Variants in KIAA0232 observed in about 807,000 individuals in gnomAD.
The protein encoded by KIAA0232 is KIAA0232.
Under a neutral mutation model 122.0 loss-of-function variants are expected in KIAA0232, and 27 were observed. The ratio of observed to expected loss-of-function variants is 0.22; its 90% CI spans 0.16 to 0.31. KIAA0232 has a LOEUF of 0.31. Among genes scored for constraint, KIAA0232 ranks in the 10% least tolerant of loss-of-function variants. The probability of loss-of-function intolerance (pLI) is 1.00; values close to 1 mark genes in which losing one functional copy is unlikely to be tolerated. For synonymous variants in KIAA0232, 613 were observed against 587.6 expected (o/e 1.04, Z -0.63); for missense variants, 1,551 against 1,634.2 (o/e 0.95, Z 0.88).
At position 6,861,124 on chromosome 4, in the gene KIAA0232, C is replaced by T; in HGVS notation, c.742C>T (p.Gln248Ter). 6.2e-7 allele frequency: 1 copy of T among 1,614,108 alleles called. No homozygotes were observed. Among genetic ancestry groups the T allele is most frequent in the Non-Finnish European group, 8.5e-7 (1 of 1,180,016 alleles). ...ACCCACCACTGTGCATGAGAAAACC[C>T]AGAGCAAAAGCAAAAACGAGAAGGA... ...EVPTTVHEKT[Q>*]SKSKNEKENK... is the part of the protein sequence containing the mutation. Residue 248 changes from glutamine to a stop codon, truncating the protein, a stop_gained, in exon 7 of 10, where the codon CAG becomes TAG. Coordinates refer to ENST00000307659, the MANE Select transcript of KIAA0232 (RefSeq NM_014743.3). LOFTEE classifies it high-confidence loss of function.
intron 4 of KIAA0232, among the ~76,000 whole-genome samples, chr4:6,854,328 G>C (rs1365155906): frequency 6.6e-6 from 1 of 152,116 alleles, no homozygotes; most frequent in Non-Finnish European, 1.5e-5. Context: ...GCCCTTTGCT[G>C]CCCAGTGAAT....
At chr4:6,825,647 A>G (rs967704932) in intron 3 of KIAA0232, among the ~76,000 whole-genome samples, 1 of 152,142 alleles carries the variant, frequency 6.6e-6, no homozygotes, top group African/African-American at 2.4e-5. Flanking sequence ...TGTTAACCTC[A>G]GTCTCATTCT....
intron 8 of KIAA0232, among the ~76,000 whole-genome samples, chr4:6,871,925 G>A (rs928211431): frequency 6.6e-6 from 1 of 152,192 alleles, no homozygotes; most frequent in African/African-American, 2.4e-5. Context: ...CCATGGATGA[G>A]GTGTGTATAA....
intron 3 of KIAA0232, among the ~76,000 whole-genome samples, chr4:6,826,386 A>T (rs1718686285): frequency 6.6e-6 from 1 of 152,222 alleles, no homozygotes; most frequent in African/African-American, 2.4e-5. Context: ...CTTTACAGGC[A>T]AGTAAGACGT....
chr4:6,811,233 T>C (rs1717861629), intron 2 of KIAA0232, among the ~76,000 whole-genome samples: 1 of 152,036 alleles, frequency 6.6e-6, no homozygotes, highest in African/African-American at 2.4e-5. Context: ...AATAAATGGA[T>C]AAAGAAAATG....
intron 3 of KIAA0232, among the ~76,000 whole-genome samples, chr4:6,824,905 C>G (rs908264199): frequency 6.6e-6 from 1 of 152,198 alleles, no homozygotes; most frequent in Non-Finnish European, 1.5e-5. Context: ...GTTAGACTTT[C>G]TCACTGTTGG....
chr4:6,785,180 G>C (rs886721154), intron 1 of KIAA0232, among the ~76,000 whole-genome samples: 3 of 152,018 alleles, frequency 2.0e-5, no homozygotes, highest in Non-Finnish European at 2.9e-5. Context: ...CTCGTGATCC[G>C]CCTGCCTCAG....
At chr4:6,810,290 G>A (rs778276093) in intron 2 of KIAA0232, among the ~76,000 whole-genome samples, 55 of 152,130 alleles carry the variant, frequency 3.6e-4, no homozygotes, top group Non-Finnish European at 1.9e-4. Flanking sequence ...ATAGCCAACT[G>A]ATCTTTGACA....
intron 1 of KIAA0232, among the ~76,000 whole-genome samples, chr4:6,800,007 A>G (rs73213647): frequency 0.2 from 25,860 of 129,270 alleles, 2,552 homozygotes; most frequent in Admixed American, 0.33. Flanking sequence ...TTTGTTTTGC[A>G]TATACTCTGT....
rs2108780594 is a variant in KIAA0232 at position 6,855,995 on chromosome 4, A to G, written c.370-1169A>G. The G allele has an allele frequency of 3.4e-6, 1 of 296,888 alleles. No homozygotes were observed. Among genetic ancestry groups the G allele is most frequent in the Middle Eastern group, 1.6e-3 (1 of 636 alleles). The allele number at this position is 296,888 out of a possible 1,614,324, so 18.4% of individuals were successfully genotyped here. A position where few individuals can be genotyped will look rare whatever the true frequency, so the allele number is the denominator to read the frequency against. ...TAAGAGTGTTTTTAAAGGAAAGGGCAACTCTTGTCTGGCCTATTTTTCTAT... is the reference window on the plus strand; with the variant it reads ...TAAGAGTGTTTTTAAAGGAAAGGGCGACTCTTGTCTGGCCTATTTTTCTAT... On this transcript the variant is annotated intron_variant, in intron 4 of 9. Transcript: ENST00000307659. This position sits in a 1 kb window ranked among gnomAD's most constrained non-coding sequence, Gnocchi z 4.3.
intron 4 of KIAA0232, among the ~76,000 whole-genome samples, chr4:6,845,375 A>C (rs1358826737): frequency 6.6e-6 from 1 of 152,086 alleles, no homozygotes; most frequent in East Asian, 1.9e-4. Flanking sequence ...ATTTTAAAAA[A>C]TACAGGGACA....
Position 6,861,055 on chromosome 4 carries a change from T to C in KIAA0232, c.673T>C (p.Cys225Arg). 14 of 1,614,144 alleles carry C rather than the reference T, an allele frequency of 8.7e-6. No homozygotes were observed. Among genetic ancestry groups the C allele is most frequent in the Non-Finnish European group, 1.2e-5 (14 of 1,180,030 alleles). Residue 225 changes from cysteine (C) to arginine (R), a missense_variant, in exon 7 of 10, where the codon TGC (cysteine) becomes CGC (arginine). Physicochemically the swap from Cys to Arg is radical, Grantham distance 180 (BLOSUM62 -3). Around this residue, in one of 5 missense-constraint regions of KIAA0232, gnomAD observed 377 missense variants for 381.7 expected, o/e 0.99. Coordinates refer to ENST00000307659, the MANE Select transcript of KIAA0232 (RefSeq NM_014743.3). The part of the protein sequence containing the change: ...ASTDTSSPKD[C>R]NSESEVTKER... The stretch of plus-strand genomic sequence containing the variant: ...CACAGATACTTCCTCTCCTAAGGAC[T>C]GCAACAGTGAAAGTGAAGTCACCAA...
Position 6,863,382 on chromosome 4 carries a change from TCA to T in KIAA0232, c.3001_3002del (p.Gln1001AlafsTer10), listed in dbSNP as rs1720990829. ...KPFVSFEQNDQPKSGENGLNK... is the reference protein window; with the variant it reads ...KPFVSFEQNDXPKSGENGLNK... ...CCTTCGTGTCATTTGAACAGAATGA[TCA>T]GCCGAAGAGTGGGGAAAATGGGTTA... is the stretch of plus-strand genomic sequence containing the variant. On this transcript the variant is annotated frameshift_variant, in exon 7 of 10. Coordinates refer to ENST00000307659, the MANE Select transcript of KIAA0232 (RefSeq NM_014743.3). LOFTEE classifies it high-confidence loss of function. 6.2e-7 allele frequency: 1 copy of T among 1,614,058 alleles called. No homozygotes were observed. Among genetic ancestry groups the T allele is most frequent in the Admixed American group, 1.7e-5 (1 of 59,996 alleles).
At position 6,862,888 on chromosome 4, in the gene KIAA0232, A is replaced by G. The variant is rs769925953; in HGVS notation, c.2506A>G (p.Asn836Asp). 5.0e-5 allele frequency: 80 copies of G among 1,614,132 alleles called. No individual in the cohort carries two copies. The South Asian group carries it at 6.1e-4, about 12-fold the overall frequency. The change falls in exon 7 of 10, where the codon AAT becomes GAT. Residue 836 changes from asparagine to aspartate, a missense_variant. Around this residue, in one of 5 missense-constraint regions of KIAA0232, gnomAD observed 1,108 missense variants for 1,154.8 expected, o/e 0.96. Coordinates refer to ENST00000307659, the MANE Select transcript of KIAA0232 (RefSeq NM_014743.3). ...KDIWTKMADT[N>D]SVATVEIERT... ...CATTTGGACAAAGATGGCAGACACA[A>G]ATTCTGTGGCTACAGTAGAAATAGA...
chr4:6,783,158 G>A lies in KIAA0232; in HGVS notation c.-354+317G>A, dbSNP rs534379921. Among the ~76,000 whole-genome samples the A allele has an allele frequency of 2.0e-5, 3 of 152,200 alleles. No homozygotes were observed. In the South Asian group the frequency reaches 6.2e-4, roughly 32 times the overall value. ...GCTGATGGCTCCGGGGCCAGCCTAA[G>A]GGAGACCGGGCCGCTGTTGATGGCT... On this transcript the variant is annotated intron_variant, in intron 1 of 9. Coordinates refer to ENST00000307659, the MANE Select transcript of KIAA0232 (RefSeq NM_014743.3).
At chr4:6,800,897 G>C (rs1397444970) in intron 1 of KIAA0232, among the ~76,000 whole-genome samples, 2 of 152,216 alleles carry the variant, frequency 1.3e-5, no homozygotes, top group African/African-American at 4.8e-5. Context: ...GGAAGGGCAG[G>C]CAGGTTCTTA....
rs951323729 is a variant in KIAA0232 at position 6,882,861 on chromosome 4, C to T, written c.*1895C>T. 6.6e-6 allele frequency: 1 copy of T among 152,614 alleles called. No individual in the cohort carries two copies. The highest frequency in any genetic ancestry group is 1.5e-5 in the Non-Finnish European group (1 of 68,038). 9.5% of individuals were successfully genotyped at this position (152,614 alleles called of 1,614,324 possible). ...GTGACGATTATTCTAGAAATCGTTG[C>T]TTGTGTAGCAAAGACCAAATAAATA... On this transcript the variant is annotated 3_prime_UTR_variant, in exon 10 of 10. Transcript: ENST00000307659.
intron 4 of KIAA0232, among the ~76,000 whole-genome samples, chr4:6,845,096 A>G (rs1239029445): frequency 6.6e-6 from 1 of 152,226 alleles, no homozygotes; most frequent in East Asian, 1.9e-4. Context: ...AAGAATGGCC[A>G]TTCCAGCTTC....
At chr4:6,789,738 T>G (rs986546974) in intron 1 of KIAA0232, among the ~76,000 whole-genome samples, 6 of 152,210 alleles carry the variant, frequency 3.9e-5, no homozygotes, top group Middle Eastern at 3.2e-3. Context: ...TAAGAAAGTC[T>G]GGAAAATTGG....
Sources: gnomAD v4.1 joint callset for allele counts (sites outside exome capture counted in the v4.1 genomes callset) on GRCh38, gnomAD v4.1.1 for gene constraint, gnomAD v4.1.1 regional missense constraint, Gnocchi (gnomAD v3.1) non-coding constraint, MANE v1.5 for transcripts, NCBI Gene and HGNC (gene_info 2026-07-23, HGNC 2026-07-21) for gene names.